Variants in PTPRD observed in about 807,000 individuals in gnomAD.
PTPRD encodes receptor-type tyrosine-protein phosphatase delta.
Under a neutral mutation model 214.5 loss-of-function variants are expected in PTPRD, and 34 were observed. That is an observed-to-expected ratio of 0.16 (90% confidence interval 0.12 to 0.21). The LOEUF is 0.21. PTPRD is among the 10% of genes least tolerant of loss of function. The probability of loss-of-function intolerance (pLI) is 1.00; values close to 1 mark genes in which losing one functional copy is unlikely to be tolerated. For synonymous variants in PTPRD, 1,128 were observed against 845.7 expected (o/e 1.33, Z -5.79); for missense variants, 2,545 against 2,398.7 (o/e 1.06, Z -1.27).
At chr9:8,472,591 A>C (rs983999889) in intron 30 of PTPRD, among the ~76,000 whole-genome samples, 1 of 152,230 alleles carries the variant, frequency 6.6e-6, no homozygotes, top group Non-Finnish European at 1.5e-5. Context: ...GACGCACTGT[A>C]AATGTAAAAG....
intron 11 of PTPRD, among the ~76,000 whole-genome samples, chr9:9,002,874 T>C (rs2154356248): frequency 6.6e-6 from 1 of 152,204 alleles, no homozygotes; most frequent in East Asian, 1.9e-4. Flanking sequence ...CCTTGTGCTA[T>C]CTCCCTCCTT....
intron 2 of PTPRD, among the ~76,000 whole-genome samples, chr9:10,387,617 A>C (rs1226714718): frequency 5.9e-5 from 9 of 151,696 alleles, no homozygotes; most frequent in Non-Finnish European, 4.4e-5. Context: ...ACATTTCCCC[A>C]GTAAAGCCTA....
intron 11 of PTPRD, among the ~76,000 whole-genome samples, chr9:8,898,726 T>C (rs976965131): frequency 4.6e-5 from 7 of 152,160 alleles, no homozygotes; most frequent in South Asian, 4.1e-4. Context: ...CCCCCACTGA[T>C]GACAAATATT....
intron 3 of PTPRD, among the ~76,000 whole-genome samples, chr9:10,249,165 C>A (rs544388134): frequency 2.4e-4 from 37 of 152,238 alleles, no homozygotes; most frequent in Non-Finnish European, 4.3e-4. Flanking sequence ...ATGCTTTTAT[C>A]TCCCATCCTA....
Position 8,802,211 on chromosome 9 carries a change from T to C in PTPRD, c.-103-68265A>G, listed in dbSNP as rs76817017. 3.8e-3 allele frequency among the ~76,000 whole-genome samples: 586 copies of C among 152,274 alleles called. 11 individuals are homozygous for C. The highest frequency in any genetic ancestry group is 0.036 in the East Asian group (185 of 5,168). On this transcript the variant is annotated intron_variant, in intron 11 of 45. Coordinates refer to ENST00000381196, the MANE Select transcript of PTPRD (RefSeq NM_002839.4). ...AGAAATACAGGGATTATCTGAGTAA[T>C]GTTCCCCCACACCCTGTTATAGATG...
intron 2 of PTPRD, among the ~76,000 whole-genome samples, chr9:10,513,932 G>A (rs997982284): frequency 2.0e-5 from 3 of 152,264 alleles, no homozygotes; most frequent in East Asian, 1.9e-4. Flanking sequence ...ATGCAAAACC[G>A]TGGAAATAAA....
chr9:9,162,256 A>G (rs866486079), intron 10 of PTPRD, among the ~76,000 whole-genome samples: 4 of 152,120 alleles, frequency 2.6e-5, no homozygotes, highest in Admixed American at 6.6e-5. Flanking sequence ...CATGATTGCT[A>G]ATCTTACCCA....
intron 5 of PTPRD, among the ~76,000 whole-genome samples, chr9:9,821,742 A>T (rs2050803813): frequency 6.6e-6 from 1 of 151,800 alleles, no homozygotes; most frequent in Non-Finnish European, 1.5e-5. Context: ...TTTACTGAAG[A>T]CTTTGAGAGA....
intron 8 of PTPRD, among the ~76,000 whole-genome samples, chr9:9,519,641 A>C (rs1171462822): frequency 1.3e-5 from 2 of 152,040 alleles, no homozygotes; most frequent in South Asian, 2.1e-4. Context: ...GAATAAGCAT[A>C]ACAAAAGGTA....
chr9:9,536,651 A>G (rs1037406558), intron 8 of PTPRD, among the ~76,000 whole-genome samples: 1 of 152,032 alleles, frequency 6.6e-6, no homozygotes, highest in African/African-American at 2.4e-5. Context: ...CAGCGCCGTC[A>G]TCATTTTGGC....
chr9:8,931,370 T>C (rs954765939), intron 11 of PTPRD, among the ~76,000 whole-genome samples: 4 of 152,120 alleles, frequency 2.6e-5, no homozygotes, highest in Admixed American at 2.0e-4. Flanking sequence ...TCTAGCCTTG[T>C]AGTATAGTTT....
chr9:9,585,670 C>T (rs577105205), intron 7 of PTPRD, among the ~76,000 whole-genome samples: 9 of 152,100 alleles, frequency 5.9e-5, no homozygotes, highest in African/African-American at 2.2e-4. Flanking sequence ...TTCATCCAAT[C>T]ATTTTTCAAG....
At chr9:9,718,893 T>C (rs1272596443) in intron 7 of PTPRD, among the ~76,000 whole-genome samples, 2 of 152,140 alleles carry the variant, frequency 1.3e-5, no homozygotes, top group African/African-American at 2.4e-5. Context: ...CTGGACACCA[T>C]GGAGGGCACA....
chr9:10,409,664 T>C (rs965774079), intron 2 of PTPRD, among the ~76,000 whole-genome samples: 3 of 151,840 alleles, frequency 2.0e-5, no homozygotes, highest in Non-Finnish European at 4.4e-5. Flanking sequence ...GACACTTTTC[T>C]CTTTAAATAA....
intron 14 of PTPRD, among the ~76,000 whole-genome samples, chr9:8,533,659 T>A (rs1481720658): frequency 1.3e-5 from 2 of 151,954 alleles, no homozygotes; most frequent in Non-Finnish European, 2.9e-5. Context: ...TCTTTAAAAG[T>A]CCCCAAATAG....
At chr9:10,608,661 G>A (rs1333045151) in intron 2 of PTPRD, among the ~76,000 whole-genome samples, 1 of 152,100 alleles carries the variant, frequency 6.6e-6, no homozygotes, top group African/African-American at 2.4e-5. Context: ...GGTACAGAGA[G>A]TCCAGATTAC....
chr9:8,451,926 CT>C, intron 33 of PTPRD: 1 of 491,990 alleles, frequency 2.0e-6, no homozygotes, highest in Non-Finnish European at 4.1e-6. Flanking sequence ...TCCTTATCTT[CT>C]TTTTCCCTGT....
At chr9:9,321,569 A>G (rs1236231092) in intron 9 of PTPRD, among the ~76,000 whole-genome samples, 1 of 151,728 alleles carries the variant, frequency 6.6e-6, no homozygotes, top group African/African-American at 2.4e-5. Context: ...AAAAAAAAGG[A>G]CTCTGTTTTT....
At chr9:9,573,267 A>C (rs186794194) in intron 8 of PTPRD, among the ~76,000 whole-genome samples, 2 of 151,612 alleles carry the variant, frequency 1.3e-5, no homozygotes, top group East Asian at 3.9e-4. Flanking sequence ...TAGAATACAG[A>C]AAAAGGAGCC....
Sources: allele counts gnomAD v4.1 joint callset (sites outside exome capture counted in the v4.1 genomes callset), GRCh38; gene constraint gnomAD v4.1.1; transcripts MANE v1.5; gene names NCBI Gene and HGNC (gene_info 2026-07-23, HGNC 2026-07-21).